NSD2: variants seen among roughly 807,000 people sequenced by gnomAD.
NSD2 encodes histone-lysine N-methyltransferase NSD2.
Under a neutral mutation model 139.0 loss-of-function variants are expected in NSD2, and 12 were observed. The ratio of observed to expected loss-of-function variants is 0.09; its 90% CI spans 0.06 to 0.14. NSD2 has a LOEUF of 0.14. NSD2 is among the 10% of genes least tolerant of loss of function. The pLI, the probability that NSD2 is intolerant of heterozygous loss-of-function variation, is 1.00. For missense variants in NSD2, 1,155 were observed against 1,745.0 expected (o/e 0.66, Z 6.02); for synonymous variants, 669 against 648.7 (o/e 1.03, Z -0.48).
chr4:1,880,315 G>A (rs1364349662), intron 1 of NSD2, among the ~76,000 whole-genome samples: 1 of 152,126 alleles, frequency 6.6e-6, no homozygotes, highest in Non-Finnish European at 1.5e-5. Flanking sequence ...TAGAACTCCT[G>A]CAGGGCCTGA....
At chr4:1,921,436 C>T (rs930517876) in intron 5 of NSD2, among the ~76,000 whole-genome samples, 3 of 147,130 alleles carry the variant, frequency 2.0e-5, no homozygotes, top group African/African-American at 7.6e-5. Flanking sequence ...TCCAGCCTGG[C>T]GACAGAGCGA....
intron 1 of NSD2, among the ~76,000 whole-genome samples, chr4:1,898,074 G>C (rs77512331): frequency 0.019 from 2,906 of 151,822 alleles, 68 homozygotes; most frequent in African/African-American, 0.055. Context: ...CCACAGATCT[G>C]TGAGGCTCTG....
At chr4:1,899,147 A>T (rs1209107421) in intron 1 of NSD2, 1 of 152,264 alleles carries the variant, frequency 6.6e-6, no homozygotes, top group African/African-American at 2.4e-5. Flanking sequence ...TCCAGAGCAC[A>T]TGAAGCTGAA....
rs971990745 is a variant in NSD2 at position 1,951,068 on chromosome 4, C to G, written c.1882-4C>G. ...GAACTGTCATCCGCCTCCTTCATCTCTAGGTCTCGGACAGCCCGGGAGACG... is the reference window on the plus strand; with the variant it reads ...GAACTGTCATCCGCCTCCTTCATCTGTAGGTCTCGGACAGCCCGGGAGACG... On this transcript the variant is annotated splice_region_variant and splice_polypyrimidine_tract_variant and intron_variant, in intron 9 of 21. Coordinates refer to ENST00000508803, the MANE Select transcript of NSD2 (RefSeq NM_001042424.3). 3.7e-6 allele frequency: 6 copies of G among 1,614,060 alleles called. No individual in the cohort carries two copies. Among genetic ancestry groups the G allele is most frequent in the East Asian group, 2.2e-5 (1 of 44,878 alleles).
intron 9 of NSD2, 121 bp from the exon 10 acceptor site, chr4:1,950,951 G>A: frequency 7.6e-7 from 1 of 1,313,140 alleles, no homozygotes; most frequent in Non-Finnish European, 1.1e-6. Context: ...TGGCGGTACA[G>A]GACCAGTGCT....
intron 11 of NSD2, chr4:1,952,908 G>A (rs1724428939): frequency 1.4e-6 from 2 of 1,397,782 alleles, no homozygotes; most frequent in Non-Finnish European, 1.9e-6. Context: ...CCCAGGCCAT[G>A]GCAGCCCCAC....
intron 7 of NSD2, among the ~76,000 whole-genome samples, chr4:1,938,077 C>T (rs945375180): frequency 6.6e-6 from 1 of 152,182 alleles, no homozygotes; most frequent in Non-Finnish European, 1.5e-5. Flanking sequence ...GCTTTGGGTT[C>T]AGTGGAGAGT....
chr4:1,876,965 G>A (rs1230401442), intron 1 of NSD2, among the ~76,000 whole-genome samples: 4 of 151,634 alleles, frequency 2.6e-5, no homozygotes, highest in East Asian at 1.9e-4. Flanking sequence ...GTGAAACCCC[G>A]TCTCTACTAA....
chr4:1,947,993 C>G (rs1723812078), intron 9 of NSD2: 1 of 1,056,906 alleles, frequency 9.5e-7, no homozygotes, highest in South Asian at 4.6e-5. Flanking sequence ...AATGTGTTCA[C>G]TAGGTTCCGT....
chr4:1,901,467 T>C (rs777109234), intron 2 of NSD2, among the ~76,000 whole-genome samples: 33 of 152,118 alleles, frequency 2.2e-4, no homozygotes, highest in Admixed American at 1.2e-3. Flanking sequence ...GCTGAGCCAG[T>C]TGAGAGGTCT....
intron 2 of NSD2, among the ~76,000 whole-genome samples, chr4:1,903,955 TG>T (rs1360941780): frequency 2.0e-5 from 3 of 152,120 alleles, no homozygotes; most frequent in Non-Finnish European, 4.4e-5. Flanking sequence ...AGGATGGTCT[TG>T]ATCTCCTGAA....
At chr4:1,881,465 G>C (rs569045321) in intron 1 of NSD2, among the ~76,000 whole-genome samples, 9 of 152,086 alleles carry the variant, frequency 5.9e-5, no homozygotes, top group South Asian at 2.1e-4. Context: ...GGGTTTCACC[G>C]TGTTAGCCAG....
At chr4:1,947,812 G>C (rs1010473934) in intron 9 of NSD2, 24 of 1,047,622 alleles carry the variant, frequency 2.3e-5, no homozygotes, top group African/African-American at 3.3e-5. Context: ...TTTCAAAAAC[G>C]ATGTCGTATT....
intron 9 of NSD2, chr4:1,946,412 C>T (rs1424579903): frequency 2.6e-5 from 11 of 426,804 alleles, no homozygotes; most frequent in Admixed American, 1.3e-4. Flanking sequence ...GGACTACAAG[C>T]GGCTGCCACC....
intron 1 of NSD2, among the ~76,000 whole-genome samples, chr4:1,881,345 C>T (rs1714679746): frequency 6.6e-6 from 1 of 152,202 alleles, no homozygotes; most frequent in Non-Finnish European, 1.5e-5. Flanking sequence ...TCACTGCAAC[C>T]TCCGCCTCCT....
rs565016884 is a variant in NSD2, at chr4:1,881,324, G to A, written c.-30+9782G>A. On this transcript the variant is annotated intron_variant, in intron 1 of 21. Transcript: ENST00000508803. ...ATCACACAGGCTGGAGTGCAGTGGCGCGATCTCGGCTCACTGCAACCTCCG... is the reference window on the plus strand; with the variant it reads ...ATCACACAGGCTGGAGTGCAGTGGCACGATCTCGGCTCACTGCAACCTCCG... Among the ~76,000 whole-genome samples the A allele has an allele frequency of 6.1e-3, 933 of 152,202 alleles. 10 individuals are homozygous for A. The highest frequency in any genetic ancestry group is 0.021 in the African/African-American group (891 of 41,522).
chr4:1,961,937 C>T (rs1488382948), intron 18 of NSD2, among the ~76,000 whole-genome samples: 2 of 152,202 alleles, frequency 1.3e-5, no homozygotes, highest in Non-Finnish European at 2.9e-5. Context: ...CCCTTAAGCT[C>T]ATCATCTAGC....
intron 5 of NSD2, among the ~76,000 whole-genome samples, chr4:1,920,366 C>G (rs1211830738): frequency 6.6e-6 from 1 of 152,160 alleles, no homozygotes; most frequent in Non-Finnish European, 1.5e-5. Flanking sequence ...AGGAGAATCA[C>G]TTGAACCGGG....
In NSD2 at chr4:1,958,581, C is replaced by T. The variant is rs1039762091; in HGVS notation, c.2985+545C>T. On this transcript the variant is annotated intron_variant, in intron 16 of 21. Coordinates refer to ENST00000508803, the MANE Select transcript of NSD2 (RefSeq NM_001042424.3). This position sits in a 1 kb window ranked among gnomAD's most constrained non-coding sequence, Gnocchi z 4.6. ...TGCGCTCAGAGCTGGTGCGGCAAGC[C>T]GCATCCCCAGGAGCCTCGTGGCCGT... Among the ~76,000 whole-genome samples, 3 of 152,246 alleles carry T rather than the reference C, an allele frequency of 2.0e-5. No individual in the cohort carries two copies. The highest frequency in any genetic ancestry group is 4.4e-5 in the Non-Finnish European group (3 of 68,050).
Sources: allele counts gnomAD v4.1 joint callset (sites outside exome capture counted in the v4.1 genomes callset), GRCh38; gene constraint gnomAD v4.1.1; non-coding constraint Gnocchi (gnomAD v3.1); transcripts MANE v1.5; gene names NCBI Gene and HGNC (gene_info 2026-07-23, HGNC 2026-07-21).